PUDP: variants seen among roughly 807,000 people sequenced by gnomAD.
The protein encoded by PUDP is pseudouridine-5'-phosphatase.
In PUDP, 8 loss-of-function variants were observed where a neutral mutation model predicts 9.4. That is an observed-to-expected ratio of 0.85 (90% CI 0.50 to 1.53). The LOEUF (loss-of-function observed/expected upper bound fraction) is 1.53. Among genes scored for constraint, PUDP ranks in the 40% most tolerant of loss-of-function variants. PUDP has a pLI of 0.00. For synonymous variants in PUDP, 99 were observed against 80.7 expected (o/e 1.23, Z -1.22); for missense variants, 188 against 189.7 (o/e 0.99, Z 0.05).
In PUDP at chrX:7,146,315, A is replaced by G. The variant is rs749352801; in HGVS notation, c.61+1738T>C. Among the ~76,000 whole-genome samples the G allele has an allele frequency of 2.8e-4, 31 of 112,145 alleles. No individual in the cohort carries two copies. The South Asian group carries it at 0.012, about 42-fold the overall frequency. ...AGAATCAGAATTAGGCACCAAGCTC[A>G]TTTAGAAGTTTAATAAATTTAATTT... is the stretch of plus-strand genomic sequence containing the variant. On this transcript the variant is annotated intron_variant, in intron 1 of 3. Coordinates refer to ENST00000381077, the MANE Select transcript of PUDP (RefSeq NM_012080.5).
intron 3 of PUDP, among the ~76,000 whole-genome samples, chrX:6,857,015 T>C (rs1178404881): frequency 1.8e-5 from 2 of 112,682 alleles, no homozygotes; most frequent in African/African-American, 6.4e-5. Context: ...ATCTGGCTGC[T>C]GTTATGAATT....
chrX:6,834,543 C>G (rs1338888800), intron 3 of PUDP, among the ~76,000 whole-genome samples: 1 of 111,455 alleles, frequency 9.0e-6, no homozygotes, highest in Non-Finnish European at 1.9e-5. Context: ...CCTGAATTCC[C>G]AGATCTGTGA....
chrX:6,762,273 C>T (rs1002729590), intron 3 of PUDP, among the ~76,000 whole-genome samples: 7 of 111,954 alleles, frequency 6.3e-5, no homozygotes, highest in African/African-American at 1.9e-4. Flanking sequence ...ATTCAGTGTA[C>T]GTTAAAGATA....
intron 3 of PUDP, among the ~76,000 whole-genome samples, chrX:7,065,909 T>C (rs886828785): frequency 8.9e-6 from 1 of 112,249 alleles, no homozygotes; most frequent in Non-Finnish European, 1.9e-5. Flanking sequence ...AATGCCCAAA[T>C]TTGCCAATAA....
At chrX:6,921,107 A>G (rs1271919475) in intron 3 of PUDP, among the ~76,000 whole-genome samples, 1 of 111,270 alleles carries the variant, frequency 9.0e-6, no homozygotes, top group Non-Finnish European at 1.9e-5. Context: ...ATTCATGGCC[A>G]GGCACTGTGG....
chrX:7,131,741 C>T (rs1932624347), intron 1 of PUDP, among the ~76,000 whole-genome samples: 1 of 107,791 alleles, frequency 9.3e-6, no homozygotes, highest in Admixed American at 1.0e-4. Context: ...GAAGCACCAC[C>T]CTTCTAGACA....
intron 3 of PUDP, among the ~76,000 whole-genome samples, chrX:6,813,248 T>G (rs1388318232): frequency 1.8e-5 from 2 of 110,908 alleles, no homozygotes; most frequent in Non-Finnish European, 3.8e-5. Context: ...GTCCTTACAA[T>G]CTGCTGAGAG....
chrX:6,784,914 T>C (rs893249239), intron 3 of PUDP, among the ~76,000 whole-genome samples: 2 of 112,079 alleles, frequency 1.8e-5, no homozygotes, highest in African/African-American at 3.2e-5. Flanking sequence ...ATAATGCACA[T>C]GCAAGGATGG....
chrX:6,963,595 A>G (rs1388336472), intron 3 of PUDP, among the ~76,000 whole-genome samples: 1 of 111,879 alleles, frequency 8.9e-6, no homozygotes, highest in African/African-American at 3.3e-5. Flanking sequence ...CTGACATAAG[A>G]GAAAAATGAC....
intron 3 of PUDP, among the ~76,000 whole-genome samples, chrX:6,921,306 C>A (rs1166359561): frequency 9.1e-6 from 1 of 110,287 alleles, no homozygotes; most frequent in Non-Finnish European, 1.9e-5. Context: ...TCACTTGAGA[C>A]CTTGGAGGTT....
At chrX:6,805,547 C>CAG (rs1454867984) in intron 3 of PUDP, among the ~76,000 whole-genome samples, 9 of 110,638 alleles carry the variant, frequency 8.1e-5, no homozygotes, top group African/African-American at 3.0e-4. Context: ...CTTTTGGAGA[C>CAG]AGAGTCTCAG....
At chrX:7,058,871 A>C in intron 3 of PUDP, among the ~76,000 whole-genome samples, 1 of 110,935 alleles carries the variant, frequency 9.0e-6, no homozygotes, top group South Asian at 3.9e-4. Flanking sequence ...CTTCATCCAA[A>C]CATCCACCTA....
chrX:6,728,865 A>G (rs1388617251), intron 3 of PUDP, among the ~76,000 whole-genome samples: 1 of 111,272 alleles, frequency 9.0e-6, no homozygotes, highest in Non-Finnish European at 1.9e-5. Context: ...CGCTGCAGTG[A>G]GTCATCAAGT....
At chrX:7,108,026 T>C (rs950883521) in intron 1 of PUDP, among the ~76,000 whole-genome samples, 1 of 112,275 alleles carries the variant, frequency 8.9e-6, no homozygotes, top group Non-Finnish European at 1.9e-5. Context: ...AGAAGGTGAA[T>C]GGTCATCTGT....
intron 3 of PUDP, among the ~76,000 whole-genome samples, chrX:6,752,562 T>C (rs752122533): frequency 8.9e-6 from 1 of 111,746 alleles, no homozygotes; most frequent in Non-Finnish European, 1.9e-5. Flanking sequence ...TTTTCCTTAA[T>C]ACAAATGAAG....
intron 1 of PUDP, among the ~76,000 whole-genome samples, chrX:6,719,902 G>A (rs1924641348): frequency 9.0e-6 from 1 of 110,763 alleles, no homozygotes; most frequent in East Asian, 2.8e-4. Context: ...ACAGTACAGA[G>A]GTTCCTCAAA....
chrX:6,933,544 A>G (rs1229300971), intron 3 of PUDP, among the ~76,000 whole-genome samples: 5 of 110,366 alleles, frequency 4.5e-5, no homozygotes, highest in Non-Finnish European at 7.6e-5. Flanking sequence ...AAAAAACAGA[A>G]CACAAAAACT....
At chrX:6,805,975 T>G (rs1244355668) in intron 3 of PUDP, among the ~76,000 whole-genome samples, 1 of 111,483 alleles carries the variant, frequency 9.0e-6, no homozygotes, top group Non-Finnish European at 1.9e-5. Flanking sequence ...ACACGCAGAT[T>G]GTGAAGGGAA....
chrX:7,134,692 A>G (rs1368906998), intron 1 of PUDP, among the ~76,000 whole-genome samples: 8 of 112,134 alleles, frequency 7.1e-5, no homozygotes, highest in Non-Finnish European at 1.3e-4. Flanking sequence ...CCTAAATAGG[A>G]GTCATACAAA....
Sources: gnomAD v4.1 joint callset for allele counts (sites outside exome capture counted in the v4.1 genomes callset) on GRCh38, gnomAD v4.1.1 for gene constraint, MANE v1.5 for transcripts, NCBI Gene and HGNC (gene_info 2026-07-23, HGNC 2026-07-21) for gene names.